CSMD1: variants seen among roughly 807,000 people sequenced by gnomAD.
CSMD1 encodes CUB and Sushi multiple domains 1, also known as CUB and sushi domain-containing protein 1.
A neutral mutation model predicts 417.5 loss-of-function variants in CSMD1; 213 were observed. That is an observed-to-expected ratio of 0.51 (90% CI 0.46 to 0.57). The LOEUF is 0.57. Ranked by LOEUF, CSMD1 falls within the 20% of genes least tolerant of loss-of-function variation. The pLI is 0.00. For missense variants in CSMD1, 6,923 were observed against 4,529.7 expected, an observed-to-expected ratio of 1.53 and a Z score of -15.17; for synonymous variants, 2,862 against 1,736.8, an observed-to-expected ratio of 1.65 and a Z score of -16.11.
At chr8:4,292,035 T>C (rs1472409052) in intron 3 of CSMD1, among the ~76,000 whole-genome samples, 1 of 152,036 alleles carries the variant, frequency 6.6e-6, no homozygotes. Context: ...CCTAGTTACT[T>C]TAATAATGGA....
chr8:3,232,993 C>G (rs1467332584), intron 26 of CSMD1, among the ~76,000 whole-genome samples: 10 of 151,458 alleles, frequency 6.6e-5, no homozygotes, highest in Admixed American at 6.6e-4. Context: ...TTTTATAAAC[C>G]TCATACATTA....
At position 3,114,970 on chromosome 8, in the gene CSMD1, A is replaced by G. The variant is rs1585387501; in HGVS notation, c.6430+3429T>C. Among the ~76,000 whole-genome samples, 4 of 152,292 alleles carry G rather than the reference A, an allele frequency of 2.6e-5. No individual in the cohort carries two copies. The East Asian group carries it at 7.7e-4, about 29-fold the overall frequency. ...TGCAATTCCCCACTCTACACATACT[A>G]ATGCATTTAAGTCAAGTTTATTATG... is the stretch of plus-strand genomic sequence containing the variant. On this transcript the variant is annotated intron_variant, in intron 42 of 69. Coordinates refer to ENST00000635120, the MANE Select transcript of CSMD1 (RefSeq NM_033225.6).
At chr8:3,175,483 T>TCCTGCCTGCCTG (rs67818519) in intron 37 of CSMD1, among the ~76,000 whole-genome samples, 4,475 of 121,564 alleles carry the variant, frequency 0.037, 138 homozygotes, top group Non-Finnish European at 0.05. Context: ...TTCCCTTCCT[T>TCCTGCCTGCCTG]CCTGCCTGCC....
intron 23 of CSMD1, among the ~76,000 whole-genome samples, chr8:3,325,548 G>T (rs551967715): frequency 2.0e-5 from 3 of 152,310 alleles, no homozygotes; most frequent in East Asian, 3.9e-4. Flanking sequence ...GGTCGCCTGG[G>T]CATGCTGGCT....
chr8:4,120,887 T>G (rs1291205955), intron 3 of CSMD1, among the ~76,000 whole-genome samples: 1 of 152,212 alleles, frequency 6.6e-6, no homozygotes, highest in Non-Finnish European at 1.5e-5. Context: ...TTATTGTTTA[T>G]ACACCATGGA....
chr8:4,464,032 G>C (rs545970418), intron 2 of CSMD1, among the ~76,000 whole-genome samples: 6 of 152,040 alleles, frequency 3.9e-5, no homozygotes, highest in African/African-American at 1.4e-4. Flanking sequence ...TATTAATTCA[G>C]TTTACGAATT....
chr8:3,694,310 G>A (rs1021958991), intron 7 of CSMD1, among the ~76,000 whole-genome samples: 2 of 152,028 alleles, frequency 1.3e-5, no homozygotes, highest in Non-Finnish European at 2.9e-5. Flanking sequence ...CGGCTTCCAG[G>A]AGCACAGCAG....
chr8:4,153,774 G>C (rs911696815), intron 3 of CSMD1, among the ~76,000 whole-genome samples: 1 of 152,180 alleles, frequency 6.6e-6, no homozygotes, highest in Non-Finnish European at 1.5e-5. Flanking sequence ...AAAACCCTTT[G>C]TCAGGGGAAA....
Position 3,938,546 on chromosome 8 carries a change from G to A in CSMD1, c.818+59357C>T, listed in dbSNP as rs187114079. Among the ~76,000 whole-genome samples the A allele has an allele frequency of 4.0e-3, 616 of 152,180 alleles. 1 individual carries two copies. The highest frequency in any genetic ancestry group is 0.01 in the Middle Eastern group (3 of 294). On this transcript the variant is annotated intron_variant, in intron 5 of 69. Transcript: ENST00000635120. ...GACTCTGTTGGGGGATGATTTGAGA[G>A]GACCGATGCTACCAATGCATCTCTT... is the stretch of plus-strand genomic sequence containing the variant.
chr8:3,536,418 C>G (rs1442558768), intron 10 of CSMD1, among the ~76,000 whole-genome samples: 1 of 152,188 alleles, frequency 6.6e-6, no homozygotes, highest in Non-Finnish European at 1.5e-5. Context: ...GAAGAATGGG[C>G]TTAGAGTCAG....
chr8:3,271,709 T>G (rs910729859), intron 26 of CSMD1, among the ~76,000 whole-genome samples: 2 of 152,214 alleles, frequency 1.3e-5, no homozygotes, highest in African/African-American at 4.8e-5. Context: ...CATGTGTTTT[T>G]TGGCTGCATA....
intron 53 of CSMD1, among the ~76,000 whole-genome samples, chr8:2,998,857 C>T (rs1055117676): frequency 6.6e-6 from 1 of 152,194 alleles, no homozygotes; most frequent in Admixed American, 6.5e-5. Context: ...TTTTCTTCCT[C>T]ATTTATCTTG....
intron 5 of CSMD1, among the ~76,000 whole-genome samples, chr8:3,940,496 T>C (rs1347951153): frequency 1.1e-5 from 1 of 88,748 alleles, no homozygotes; most frequent in African/African-American, 4.5e-5. Context: ...AATTATTTCC[T>C]CTGTGTGTGT....
In CSMD1 at chr8:3,455,927, G is replaced by A. The variant is rs561402118; in HGVS notation, c.1561+12785C>T. On this transcript the variant is annotated intron_variant, in intron 12 of 69. Transcript: ENST00000635120. ...CCCAGAGGTGGAGTCTACAGAGGCA[G>A]GCAGGCCTCCTTGAGCTGAGGTGGG... Among the ~76,000 whole-genome samples, 10 of 152,326 alleles carry A rather than the reference G, an allele frequency of 6.6e-5. No homozygotes were observed. The South Asian group carries it at 1.9e-3, about 28-fold the overall frequency.
intron 40 of CSMD1, among the ~76,000 whole-genome samples, chr8:3,149,011 C>A (rs1243835996): frequency 1.3e-5 from 2 of 152,128 alleles, no homozygotes; most frequent in East Asian, 3.9e-4. Flanking sequence ...CCTCTTTAAA[C>A]CCTCAGGCTA....
intron 1 of CSMD1, among the ~76,000 whole-genome samples, chr8:4,981,516 A>C (rs1227286618): frequency 6.6e-6 from 1 of 152,252 alleles, no homozygotes; most frequent in Non-Finnish European, 1.5e-5. Flanking sequence ...GACAATGTTT[A>C]ATGCACTGCT....
intron 3 of CSMD1, among the ~76,000 whole-genome samples, chr8:4,394,922 C>A (rs529838178): frequency 1.3e-5 from 2 of 152,166 alleles, no homozygotes; most frequent in African/African-American, 4.8e-5. Flanking sequence ...AGCAGGTGCA[C>A]TGAATCTCAA....
intron 5 of CSMD1, among the ~76,000 whole-genome samples, chr8:3,982,620 A>G (rs974480754): frequency 2.6e-5 from 4 of 151,496 alleles, no homozygotes; most frequent in East Asian, 1.9e-4. Context: ...TGAGAGAGAA[A>G]AAAAAAAAGC....
At chr8:4,874,125 T>C (rs28669081) in intron 1 of CSMD1, among the ~76,000 whole-genome samples, 4,419 of 152,180 alleles carry the variant, frequency 0.029, 228 homozygotes, top group African/African-American at 0.094. Flanking sequence ...ACACCTCAGC[T>C]ACTGATAGAT....
Sources: allele counts gnomAD v4.1 joint callset (sites outside exome capture counted in the v4.1 genomes callset), GRCh38; gene constraint gnomAD v4.1.1; transcripts MANE v1.5; gene names NCBI Gene and HGNC (gene_info 2026-07-23, HGNC 2026-07-21).